Variants in GPC5 observed in about 807,000 individuals in gnomAD.
GPC5 encodes glypican 5.
A neutral mutation model predicts 53.9 loss-of-function variants in GPC5; 47 were observed. The ratio of observed to expected loss-of-function variants is 0.87; its 90% CI spans 0.69 to 1.11. The LOEUF (loss-of-function observed/expected upper bound fraction) is 1.11, where lower values mean the gene tolerates loss of function less well. Ranked by LOEUF, GPC5 falls within the 50% of genes most tolerant of loss-of-function variation. The pLI is 0.00. For synonymous variants in GPC5, 286 were observed against 263.3 expected, an observed-to-expected ratio of 1.09 and a Z score of -0.84; for missense variants, 748 against 713.1, an observed-to-expected ratio of 1.05 and a Z score of -0.56.
intron 7 of GPC5, among the ~76,000 whole-genome samples, chr13:92,588,320 T>A (rs1438578207): frequency 6.6e-6 from 1 of 152,222 alleles, no homozygotes. Context: ...TTATCCAGTC[T>A]ATCATTGATG....
At chr13:91,727,533 A>G (rs1029451765) in intron 3 of GPC5, among the ~76,000 whole-genome samples, 1 of 152,224 alleles carries the variant, frequency 6.6e-6, no homozygotes, top group South Asian at 2.1e-4. Flanking sequence ...TGCAAATACT[A>G]GAAATAAAAT....
intron 7 of GPC5, among the ~76,000 whole-genome samples, chr13:92,502,049 C>G (rs1462521797): frequency 1.3e-5 from 2 of 152,008 alleles, no homozygotes; most frequent in Non-Finnish European, 2.9e-5. Context: ...GGTAAATAGA[C>G]TTGTTCTCAT....
chr13:91,908,000 C>T lies in GPC5; in HGVS notation c.1344C>T (p.Val448=). 6.3e-7 allele frequency: 1 copy of T among 1,594,666 alleles called. No homozygotes were observed. Among genetic ancestry groups the T allele is most frequent in the Non-Finnish European group, 8.5e-7 (1 of 1,177,740 alleles). The change falls in exon 6 of 8, where the codon GTC becomes GTT. Residue 448 remains valine (V), a synonymous_variant. Coordinates refer to ENST00000377067, the MANE Select transcript of GPC5 (RefSeq NM_004466.6). ...AGTCTGGAAATCCTGAAGTCAAAGT[C>T]AAAGGAATTGATCCTGTGATAAATC... ...KAQSGNPEVK[V]KGIDPVINQI...
intron 5 of GPC5, among the ~76,000 whole-genome samples, chr13:91,891,987 A>G (rs1003044393): frequency 1.3e-5 from 2 of 152,106 alleles, no homozygotes; most frequent in Non-Finnish European, 2.9e-5. Context: ...AAAGTTTATA[A>G]TTGACAAGGA....
chr13:92,794,624 T>C (rs543330207), intron 7 of GPC5, among the ~76,000 whole-genome samples: 1 of 152,250 alleles, frequency 6.6e-6, no homozygotes, highest in South Asian at 2.1e-4. Context: ...AGGCTGTGTA[T>C]TTAGAAAACC....
chr13:92,527,163 AG>A (rs1292587531), intron 7 of GPC5, among the ~76,000 whole-genome samples: 4 of 125,408 alleles, frequency 3.2e-5, no homozygotes, highest in African/African-American at 9.3e-5. Context: ...AAAGAAAGAA[AG>A]AAAGAAAGAG....
At chr13:92,114,347 G>A (rs959336104) in intron 6 of GPC5, among the ~76,000 whole-genome samples, 3 of 152,094 alleles carry the variant, frequency 2.0e-5, no homozygotes, top group Non-Finnish European at 4.4e-5. Flanking sequence ...CGTTACTTCA[G>A]ACCTTCACAG....
chr13:91,551,935 T>C (rs2030664648), intron 2 of GPC5, among the ~76,000 whole-genome samples: 1 of 152,060 alleles, frequency 6.6e-6, no homozygotes, highest in Non-Finnish European at 1.5e-5. Context: ...ATATAGTAAG[T>C]ACATATTTTA....
chr13:92,220,820 C>T (rs1594009694), intron 7 of GPC5, among the ~76,000 whole-genome samples: 2 of 151,956 alleles, frequency 1.3e-5, no homozygotes, highest in Non-Finnish European at 2.9e-5. Flanking sequence ...TACATTTATT[C>T]ATATATAAAA....
intron 6 of GPC5, among the ~76,000 whole-genome samples, chr13:92,019,456 C>CT (rs911490055): frequency 6.6e-6 from 1 of 151,932 alleles, no homozygotes; most frequent in Admixed American, 6.6e-5. Context: ...AATCTTACTT[C>CT]TTTTTTGCTA....
At chr13:92,540,396 G>T (rs752826957) in intron 7 of GPC5, among the ~76,000 whole-genome samples, 3 of 151,872 alleles carry the variant, frequency 2.0e-5, no homozygotes, top group Non-Finnish European at 4.4e-5. Flanking sequence ...GTATAATCAG[G>T]AGTTGTGAAT....
chr13:91,500,380 C>A (rs1391639814), intron 2 of GPC5, among the ~76,000 whole-genome samples: 1 of 152,188 alleles, frequency 6.6e-6, no homozygotes, highest in African/African-American at 2.4e-5. Context: ...GGCTGGCCAT[C>A]TGATATTTCC....
At chr13:91,656,475 A>G (rs1280927906) in intron 2 of GPC5, among the ~76,000 whole-genome samples, 2 of 152,202 alleles carry the variant, frequency 1.3e-5, no homozygotes, top group East Asian at 3.8e-4. Context: ...ACAGCGTACT[A>G]GAGTAGGAGA....
intron 7 of GPC5, among the ~76,000 whole-genome samples, chr13:92,244,723 T>C (rs2042637987): frequency 6.6e-6 from 1 of 152,152 alleles, no homozygotes; most frequent in Admixed American, 6.6e-5. Context: ...TGTATACCAT[T>C]GTAAAAAACA....
At chr13:92,121,193 C>T (rs1329177364) in intron 6 of GPC5, among the ~76,000 whole-genome samples, 4 of 152,116 alleles carry the variant, frequency 2.6e-5, no homozygotes, top group African/African-American at 4.8e-5. Context: ...ATCCTTTGTT[C>T]GATTTTCTTC....
In GPC5 at chr13:92,809,485, A is replaced by C. The variant is rs1274287040; in HGVS notation, c.1562-56797A>C. Reference sequence around the variant, plus strand: ...AAATTATAGATTAAATGACTTGTCCAGGGTAATAAGACTCAGAGTCTGGAC... The same window carrying C: ...AAATTATAGATTAAATGACTTGTCCCGGGTAATAAGACTCAGAGTCTGGAC... On this transcript the variant is annotated intron_variant, in intron 7 of 7. Coordinates refer to ENST00000377067, the MANE Select transcript of GPC5 (RefSeq NM_004466.6). Among the ~76,000 whole-genome samples, 5 of 152,316 alleles carry C rather than the reference A, an allele frequency of 3.3e-5. No homozygotes were observed. In the East Asian group the frequency reaches 9.7e-4, roughly 30 times the overall value.
chr13:91,523,554 G>C (rs1885939109), intron 2 of GPC5, among the ~76,000 whole-genome samples: 1 of 152,144 alleles, frequency 6.6e-6, no homozygotes, highest in Non-Finnish European at 1.5e-5. Flanking sequence ...TATAATAATG[G>C]ATGGTTACCA....
chr13:91,567,539 A>C (rs1255185414), intron 2 of GPC5, among the ~76,000 whole-genome samples: 1 of 152,154 alleles, frequency 6.6e-6, no homozygotes, highest in Non-Finnish European at 1.5e-5. Flanking sequence ...GAGGTTTTTT[A>C]ATAGAGATTT....
intron 6 of GPC5, among the ~76,000 whole-genome samples, chr13:92,106,264 C>G (rs1338837563): frequency 6.6e-6 from 1 of 151,764 alleles, no homozygotes; most frequent in East Asian, 1.9e-4. Context: ...AGATGGACCC[C>G]CAATTTCAAA....
Sources: gnomAD v4.1 joint callset for allele counts (sites outside exome capture counted in the v4.1 genomes callset) on GRCh38, gnomAD v4.1.1 for gene constraint, MANE v1.5 for transcripts, NCBI Gene and HGNC (gene_info 2026-07-23, HGNC 2026-07-21) for gene names.